Variants in LCA5 observed in about 807,000 individuals in gnomAD.
LCA5 encodes lebercilin.
LCA5 carries 37 observed loss-of-function variants against 53.0 expected under a neutral mutation model. That is an observed-to-expected ratio of 0.70 (90% confidence interval 0.54 to 0.92). LCA5 has a LOEUF of 0.92. Ranked by LOEUF, LCA5 falls within the 40% of genes least tolerant of loss-of-function variation. LCA5 has a pLI of 0.00. For synonymous variants in LCA5, 303 were observed against 282.9 expected (o/e 1.07, Z -0.71); for missense variants, 806 against 790.5 (o/e 1.02, Z -0.23).
intron 1 of LCA5, among the ~76,000 whole-genome samples, chr6:79,527,376 AAACTGGCAGGG>A (rs1292328156): frequency 1.8e-4 from 27 of 152,190 alleles, no homozygotes; most frequent in African/African-American, 6.5e-4. Context: ...GTCAAAATGG[AAACTGGCAGGG>A]AACTCCTCCC....
rs778986027 is a variant in LCA5, at chr6:79,513,718, C to T, written c.214G>A (p.Gly72Ser). 6.2e-7 allele frequency: 1 copy of T among 1,613,474 alleles called. No individual in the cohort carries two copies. Residue 72 changes from glycine (G) to serine (S), a missense_variant, in exon 3 of 8, where the codon GGT (glycine) becomes AGT (serine). Coordinates refer to ENST00000369846, the MANE Select transcript of LCA5 (RefSeq NM_001122769.3). ...CGGACTCCCTTTCTGTTTGGTAGAC[C>T]CTTAGGGCTTGGTTTCCGAGGGGCT... The part of the protein sequence containing the change: ...HQAPRKPSPK[G>S]LPNRKGVRVG...
chr6:79,520,024 G>GT (rs1562109970), intron 1 of LCA5, among the ~76,000 whole-genome samples: 1 of 151,926 alleles, frequency 6.6e-6, no homozygotes, highest in Non-Finnish European at 1.5e-5. Flanking sequence ...GATCCCTAGA[G>GT]TTTTTTTGGA....
chr6:79,507,411 A>G (rs1232525230), intron 3 of LCA5, among the ~76,000 whole-genome samples: 1 of 152,190 alleles, frequency 6.6e-6, no homozygotes, highest in Non-Finnish European at 1.5e-5. Flanking sequence ...GGAGGTGTCA[A>G]TAATTTTTAA....
At chr6:79,538,018 G>GTTTTTTTTTT (rs869197362), upstream of LCA5, among the ~76,000 whole-genome samples, 467 of 44,152 alleles carry the variant, frequency 0.011, 112 homozygotes, top group Non-Finnish European at 0.015. Context: ...TTGCACACAA[G>GTTTTTTTTTT]TTTTTTTTTT....
intron 5 of LCA5, 91 bp downstream of exon 5, chr6:79,492,460 G>T: frequency 3.3e-6 from 2 of 603,252 alleles, no homozygotes; most frequent in Non-Finnish European, 3.0e-6. Context: ...TTTCAATGAG[G>T]TTCTTTTCCT....
intron 1 of LCA5, among the ~76,000 whole-genome samples, chr6:79,521,520 T>C (rs1766624333): frequency 6.6e-6 from 1 of 152,200 alleles, no homozygotes; most frequent in Non-Finnish European, 1.5e-5. Flanking sequence ...AAATGAGTAA[T>C]TATTATTGGT....
chr6:79,526,963 G>A (rs1766809928), intron 1 of LCA5, among the ~76,000 whole-genome samples: 1 of 152,132 alleles, frequency 6.6e-6, no homozygotes, highest in Non-Finnish European at 1.5e-5. Context: ...CCTCCACCCT[G>A]TCACCCCTTA....
Position 79,486,868 on chromosome 6 carries a change from A to G in LCA5, c.*136T>C, listed in dbSNP as rs1009899219. 4.2e-6 allele frequency: 3 copies of G among 720,854 alleles called. No homozygotes were observed. Among genetic ancestry groups the G allele is most frequent in the South Asian group, 2.1e-5 (1 of 46,864 alleles). The allele number at this position is 720,854 out of a possible 1,614,324, so 44.7% of individuals were successfully genotyped here. A position where few individuals can be genotyped will look rare whatever the true frequency, so the allele number is the denominator to read the frequency against. ...TGTATGTATGATCTACTTCTTTTTA[A>G]CTGCATTGTATTTAGCTATTAAAAA... On this transcript the variant is annotated 3_prime_UTR_variant, in exon 8 of 8. Coordinates refer to ENST00000369846, the MANE Select transcript of LCA5 (RefSeq NM_001122769.3).
At chr6:79,499,917 A>C (rs926395895) in intron 3 of LCA5, among the ~76,000 whole-genome samples, 1 of 150,658 alleles carries the variant, frequency 6.6e-6, no homozygotes, top group Middle Eastern at 3.4e-3. Context: ...TCATTGTTCA[A>C]TTCCCACCTA....
intron 1 of LCA5, among the ~76,000 whole-genome samples, chr6:79,527,628 G>C (rs923672300): frequency 6.6e-6 from 1 of 152,176 alleles, no homozygotes; most frequent in South Asian, 2.1e-4. Flanking sequence ...CGGTAAACAC[G>C]GGGTGGGTAA....
At chr6:79,519,309 T>C (rs1239540011) in intron 1 of LCA5, among the ~76,000 whole-genome samples, 3 of 152,214 alleles carry the variant, frequency 2.0e-5, no homozygotes, top group Non-Finnish European at 4.4e-5. Context: ...CAACTACTTC[T>C]GAATAAATGT....
At chr6:79,499,681 CTT>C (rs1008971980) in intron 3 of LCA5, among the ~76,000 whole-genome samples, 33 of 149,494 alleles carry the variant, frequency 2.2e-4, no homozygotes, top group African/African-American at 7.1e-4. Flanking sequence ...TTTTTTTTTC[CTT>C]TTTTTTAAAT....
At chr6:79,532,548 C>T (rs1182224184) in intron 1 of LCA5, among the ~76,000 whole-genome samples, 1 of 152,170 alleles carries the variant, frequency 6.6e-6, no homozygotes, top group African/African-American at 2.4e-5. Flanking sequence ...GCAAACTAGC[C>T]TTCTTCTGTG....
At position 79,491,797 on chromosome 6, in the gene LCA5, G is replaced by T. The variant is rs1021991898; in HGVS notation, c.956-67C>A. The T allele has an allele frequency of 5.8e-6, 8 of 1,374,456 alleles. No individual in the cohort carries two copies. The Admixed American group carries it at 1.4e-4, about 23-fold the overall frequency. 85.1% of individuals were successfully genotyped at this position (1,374,456 alleles called of 1,614,324 possible). A position where few individuals can be genotyped will look rare whatever the true frequency, so the allele number is the denominator to read the frequency against. On this transcript the variant is annotated intron_variant, in intron 5 of 7. Transcript: ENST00000369846. The stretch of plus-strand genomic sequence containing the variant: ...ATGCTAAAATATATGGAATTCAGCT[G>T]GCATGTATATATATATATGCATGTG...
At chr6:79,496,408 T>C (rs1769985810) in intron 3 of LCA5, among the ~76,000 whole-genome samples, 1 of 152,172 alleles carries the variant, frequency 6.6e-6, no homozygotes, top group African/African-American at 2.4e-5. Context: ...TAGCCAAAAC[T>C]GGAAACAATC....
intron 3 of LCA5, among the ~76,000 whole-genome samples, chr6:79,496,210 G>C (rs1769979861): frequency 6.6e-6 from 1 of 152,194 alleles, no homozygotes; most frequent in Non-Finnish European, 1.5e-5. Context: ...GTAGCAACCA[G>C]AACTCTCATA....
intron 1 of LCA5, among the ~76,000 whole-genome samples, chr6:79,520,741 T>G (rs954730128): frequency 1.3e-5 from 2 of 152,192 alleles, no homozygotes; most frequent in Non-Finnish European, 2.9e-5. Context: ...GAAGTATATG[T>G]AATACTATGA....
At chr6:79,526,245 A>G (rs1766783645) in intron 1 of LCA5, among the ~76,000 whole-genome samples, 1 of 152,124 alleles carries the variant, frequency 6.6e-6, no homozygotes, top group African/African-American at 2.4e-5. Context: ...TCAAAATAAT[A>G]TTAAAACAAA....
intron 3 of LCA5, among the ~76,000 whole-genome samples, chr6:79,498,468 AC>A (rs1420344907): frequency 6.6e-6 from 1 of 152,168 alleles, no homozygotes. Context: ...GCTAAAAAAT[AC>A]TTAAGTTCCA....
Sources: gnomAD v4.1 joint callset for allele counts (sites outside exome capture counted in the v4.1 genomes callset) on GRCh38, gnomAD v4.1.1 for gene constraint, MANE v1.5 for transcripts, NCBI Gene and HGNC (gene_info 2026-07-23, HGNC 2026-07-21) for gene names.